Variants in PRORP observed in about 807,000 individuals in gnomAD.
PRORP encodes protein only RNase P catalytic subunit.
Under a neutral mutation model 59.4 loss-of-function variants are expected in PRORP, and 51 were observed. The ratio of observed to expected loss-of-function variants is 0.86; its 90% confidence interval spans 0.69 to 1.08. The LOEUF (loss-of-function observed/expected upper bound fraction) is 1.08. Among genes scored for constraint, PRORP ranks in the 50% least tolerant of loss-of-function variants. The probability of loss-of-function intolerance (pLI) is 0.00; values close to 1 mark genes in which losing one functional copy is unlikely to be tolerated. For missense variants in PRORP, 646 were observed against 690.3 expected (o/e 0.94, Z 0.72); for synonymous variants, 231 against 245.6 (o/e 0.94, Z 0.55).
chr14:35,266,577 C>G, intron 5 of PRORP, 150 bp from the exon 6 acceptor site: 1 of 802,258 alleles, frequency 1.2e-6, no homozygotes, highest in South Asian at 1.7e-5. Context: ...TTTCCTCAGG[C>G]TTTCAAAGAT....
chr14:35,214,143 G>A (rs1566501533), intron 5 of PRORP, among the ~76,000 whole-genome samples: 1 of 152,144 alleles, frequency 6.6e-6, no homozygotes, highest in Non-Finnish European at 1.5e-5. Context: ...CTTCAAATAA[G>A]AGGAAAACAG....
intron 5 of PRORP, chr14:35,262,486 G>A: frequency 1.9e-6 from 1 of 520,638 alleles, no homozygotes; most frequent in Non-Finnish European, 3.5e-6. Flanking sequence ...CAACCAGACT[G>A]TCAACATTCC....
At chr14:35,227,053 G>A (rs1038529978) in intron 5 of PRORP, among the ~76,000 whole-genome samples, 5 of 151,746 alleles carry the variant, frequency 3.3e-5, no homozygotes, top group Non-Finnish European at 5.9e-5. Context: ...AATTCTTACC[G>A]TCCTTGTGAT....
At chr14:35,224,797 A>G (rs1041904439) in intron 5 of PRORP, among the ~76,000 whole-genome samples, 1 of 152,130 alleles carries the variant, frequency 6.6e-6, no homozygotes, top group African/African-American at 2.4e-5. Flanking sequence ...CCACATTATT[A>G]TTGTCTGCCT....
At chr14:35,185,363 A>T (rs1333097910) in intron 5 of PRORP, among the ~76,000 whole-genome samples, 1 of 152,058 alleles carries the variant, frequency 6.6e-6, no homozygotes, top group Non-Finnish European at 1.5e-5. Flanking sequence ...CCACTTTTTA[A>T]TGGGATTGTT....
intron 5 of PRORP, among the ~76,000 whole-genome samples, chr14:35,264,898 A>G (rs1476236333): frequency 6.6e-6 from 1 of 152,240 alleles, no homozygotes; most frequent in Admixed American, 6.5e-5. Context: ...GTGTGGCAGA[A>G]GACTTGTTTG....
rs564339159 is a variant in PRORP, at chr14:35,276,523, G to C, written c.*2957G>C. 1 of 152,030 alleles carries C rather than the reference G, an allele frequency of 6.6e-6. No homozygotes were observed. Among genetic ancestry groups the C allele is most frequent in the East Asian group, 1.9e-4 (1 of 5,132 alleles). The allele number at this position is 152,030 out of a possible 1,614,324, so 9.4% of individuals were successfully genotyped here. On this transcript the variant is annotated 3_prime_UTR_variant, in exon 8 of 8. Coordinates refer to ENST00000534898, the MANE Select transcript of PRORP (RefSeq NM_014672.4). ...AGGAGTGGGGAACCATTGTAGGGTT[G>C]CTCAGCATAAGTCATACTGCCACGG...
At chr14:35,172,453 C>CTTCTTTCTTTCTTTCTTTCTTTCTTTCTT (rs1555324973) in intron 4 of PRORP, among the ~76,000 whole-genome samples, 8 of 46,754 alleles carry the variant, frequency 1.7e-4, no homozygotes, top group African/African-American at 4.2e-4. Flanking sequence ...TCCTTCCTTC[C>CTTCTTTCTTTCTTTCTTTCTTTCTTTCTT]TTCTTTCTTT....
chr14:35,240,074 C>A (rs1275667511), intron 5 of PRORP, among the ~76,000 whole-genome samples: 363 of 106,776 alleles, frequency 3.4e-3, no homozygotes, highest in African/African-American at 5.5e-3. Context: ...GACTCCATCT[C>A]AAAAAAAAAA....
chr14:35,213,208 C>G (rs1313144298), intron 5 of PRORP, among the ~76,000 whole-genome samples: 1 of 152,200 alleles, frequency 6.6e-6, no homozygotes, highest in East Asian at 1.9e-4. Flanking sequence ...AACTTCATCT[C>G]AGCAATAGGC....
chr14:35,193,627 C>T (rs576688904), intron 5 of PRORP, among the ~76,000 whole-genome samples: 11 of 147,684 alleles, frequency 7.4e-5, no homozygotes, highest in South Asian at 2.2e-4. Context: ...TATATAATCC[C>T]GGGTGTATTT....
Position 35,123,240 on chromosome 14 carries a change from T to G in PRORP, c.-6T>G. On this transcript the variant is annotated 5_prime_UTR_variant, in exon 2 of 8. Transcript: ENST00000534898. ...TCTCACTATCTGGTGCTGATCTCAC[T>G]GCATAATGACTTTCTATTTGTTTGG... The G allele has an allele frequency of 6.2e-7, 1 of 1,602,682 alleles. No individual in the cohort carries two copies. The highest frequency in any genetic ancestry group is 8.5e-7 in the Non-Finnish European group (1 of 1,175,470).
intron 4 of PRORP, among the ~76,000 whole-genome samples, chr14:35,178,902 T>C (rs1031455833): frequency 7.2e-5 from 11 of 152,214 alleles, no homozygotes; most frequent in African/African-American, 2.7e-4. Context: ...CCACGTTTAG[T>C]GCTTCCTTCA....
intron 4 of PRORP, among the ~76,000 whole-genome samples, chr14:35,149,155 G>A (rs923090640): frequency 8.0e-5 from 12 of 150,806 alleles, no homozygotes; most frequent in African/African-American, 1.5e-4. Flanking sequence ...TCCTGACCTC[G>A]TGATCCGCCC....
At chr14:35,252,940 T>G (rs1232682297) in intron 5 of PRORP, among the ~76,000 whole-genome samples, 1 of 152,176 alleles carries the variant, frequency 6.6e-6, no homozygotes, top group Non-Finnish European at 1.5e-5. Context: ...AACCTTGTTT[T>G]CCTTTCTGTG....
intron 5 of PRORP, among the ~76,000 whole-genome samples, chr14:35,237,317 TC>T (rs1484858383): frequency 6.6e-6 from 1 of 151,972 alleles, no homozygotes; most frequent in Non-Finnish European, 1.5e-5. Flanking sequence ...GATCTCAAAC[TC>T]CCAGACTCAA....
chr14:35,222,873 TTC>T (rs1348477322), intron 5 of PRORP: 1 of 152,254 alleles, frequency 6.6e-6, no homozygotes, highest in East Asian at 1.9e-4. Flanking sequence ...GTTTTGTTGC[TTC>T]TCTCCATTTT....
At position 35,140,230 on chromosome 14, in the gene PRORP, T is replaced by C. The variant is rs912342782; in HGVS notation, c.1167+12619T>C. Among the ~76,000 whole-genome samples the C allele has an allele frequency of 6.4e-4, 62 of 97,274 alleles. 9 individuals are homozygous for C. Among genetic ancestry groups the C allele is most frequent in the Middle Eastern group, 0.01 (2 of 192 alleles). 63.8% of individuals were successfully genotyped at this position (97,274 alleles called of 152,430 possible). A position where few individuals can be genotyped will look rare whatever the true frequency, so the allele number is the denominator to read the frequency against. ...CTTATGGTAGATGTCTTATGGTAGATATGTGTGTGTGTGTGTCGCTTTTTC... is the reference window on the plus strand; with the variant it reads ...CTTATGGTAGATGTCTTATGGTAGACATGTGTGTGTGTGTGTCGCTTTTTC... On this transcript the variant is annotated intron_variant, in intron 4 of 7. Transcript: ENST00000534898.
At chr14:35,151,696 C>T (rs1249740391) in intron 4 of PRORP, among the ~76,000 whole-genome samples, 1 of 150,522 alleles carries the variant, frequency 6.6e-6, no homozygotes. Flanking sequence ...TACTATATAT[C>T]TTTTCTCTGT....
Sources: allele counts gnomAD v4.1 joint callset (sites outside exome capture counted in the v4.1 genomes callset), GRCh38; gene constraint gnomAD v4.1.1; transcripts MANE v1.5; gene names NCBI Gene and HGNC (gene_info 2026-07-23, HGNC 2026-07-21).